SLC71A2: variants seen among roughly 807,000 people sequenced by gnomAD.
SLC71A2 encodes hippocampus abundant transcript-like 1.
the SLC71A2 span, among the ~76,000 whole-genome samples, chr9:94,439,022 G>GTTTTTTTTTTTTT: frequency 4.8e-4 from 55 of 115,694 alleles, 6 homozygotes; most frequent in South Asian, 8.3e-4. Context: ...ATTTGAGTTC[G>GTTTTTTTTTTTTT]TTTTTTTTTT....
the SLC71A2 span, chr9:94,440,849 A>T: frequency 2.3e-6 from 1 of 435,680 alleles, no homozygotes; most frequent in Non-Finnish European, 4.1e-6. Context: ...ATTTTTTTTG[A>T]TATATTTAAG....
chr9:94,450,896 T>C, the SLC71A2 span, among the ~76,000 whole-genome samples: 9 of 152,212 alleles, frequency 5.9e-5, no homozygotes, highest in Admixed American at 5.2e-4. Flanking sequence ...CCAGGTTACT[T>C]TGGCTGCTTA....
At chr9:94,449,839 A>G in the SLC71A2 span, among the ~76,000 whole-genome samples, 1 of 152,264 alleles carries the variant, frequency 6.6e-6, no homozygotes, top group African/African-American at 2.4e-5. Context: ...TAATGAATGG[A>G]TTAACAAATA....
the SLC71A2 span, among the ~76,000 whole-genome samples, chr9:94,443,868 G>A: frequency 6.6e-6 from 1 of 152,162 alleles, no homozygotes; most frequent in African/African-American, 2.4e-5. Flanking sequence ...CAAGAGCTTT[G>A]TCTTCTTCAT....
the SLC71A2 span, among the ~76,000 whole-genome samples, chr9:94,403,327 G>A: frequency 6.6e-6 from 1 of 151,678 alleles, no homozygotes; most frequent in Non-Finnish European, 1.5e-5. Flanking sequence ...TAGTAGAGAC[G>A]GGTTTGCACC....
chr9:94,403,438 G>A, the SLC71A2 span, among the ~76,000 whole-genome samples: 23 of 151,226 alleles, frequency 1.5e-4, no homozygotes, highest in Non-Finnish European at 3.2e-4. Flanking sequence ...GTTACCAGCC[G>A]TGACTGGCTT....
the SLC71A2 span, chr9:94,456,197 G>C: frequency 1.5e-5 from 21 of 1,426,594 alleles, no homozygotes; most frequent in Non-Finnish European, 2.1e-5. Context: ...TGAGCTCCTT[G>C]AGGTTGACCT....
chr9:94,379,477 A>C, the SLC71A2 span, among the ~76,000 whole-genome samples: 11 of 130,986 alleles, frequency 8.4e-5, no homozygotes, highest in South Asian at 2.6e-4. Context: ...GTAACCTTAA[A>C]CTCCTGGGTT....
At chr9:94,445,037 A>G in the SLC71A2 span, 1 of 1,614,134 alleles carries the variant, frequency 6.2e-7, no homozygotes, top group South Asian at 1.1e-5. Flanking sequence ...AGTTACGGAG[A>G]CAGCCTCGTT....
At chr9:94,427,649 GA>G in the SLC71A2 span, among the ~76,000 whole-genome samples, 2 of 134,074 alleles carry the variant, frequency 1.5e-5, no homozygotes, top group South Asian at 5.0e-4. Context: ...CAGCATGAGA[GA>G]ACCCTGGAGG....
At chr9:94,405,935 C>T in the SLC71A2 span, among the ~76,000 whole-genome samples, 1 of 150,098 alleles carries the variant, frequency 6.7e-6, no homozygotes, top group Non-Finnish European at 1.5e-5. Flanking sequence ...CATGGGATGT[C>T]TTTATGTTTA....
At chr9:94,446,654 T>C in the SLC71A2 span, among the ~76,000 whole-genome samples, 3 of 152,284 alleles carry the variant, frequency 2.0e-5, no homozygotes, top group South Asian at 6.2e-4. Context: ...ACCTCTGAAA[T>C]TAAGACTTGT....
At chr9:94,410,283 A>C in the SLC71A2 span, among the ~76,000 whole-genome samples, 1 of 151,826 alleles carries the variant, frequency 6.6e-6, no homozygotes, top group Non-Finnish European at 1.5e-5. Flanking sequence ...TTTTGGAGAG[A>C]TCGAGTCTCA....
At chr9:94,405,657 A>G in the SLC71A2 span, among the ~76,000 whole-genome samples, 1 of 152,126 alleles carries the variant, frequency 6.6e-6, no homozygotes, top group African/African-American at 2.4e-5. Context: ...GTTGGTCTAC[A>G]TGTCTGTTTT....
the SLC71A2 span, chr9:94,458,451 A>G: frequency 1.9e-6 from 3 of 1,613,894 alleles, no homozygotes; most frequent in East Asian, 2.2e-5. Flanking sequence ...AATTCTAACA[A>G]CGTTCCCCTG....
chr9:94,419,421 G>T, the SLC71A2 span, among the ~76,000 whole-genome samples: 2 of 151,538 alleles, frequency 1.3e-5, no homozygotes, highest in African/African-American at 4.8e-5. Context: ...AGCCTCCCGA[G>T]TAGCTGGGAT....
the SLC71A2 span, chr9:94,454,077 C>T: frequency 5.0e-6 from 8 of 1,597,426 alleles, no homozygotes; most frequent in Admixed American, 1.7e-5. Context: ...CCTGGTAAGC[C>T]TCACTCTTAG....
At chr9:94,381,198 G>A in the SLC71A2 span, among the ~76,000 whole-genome samples, 1 of 145,542 alleles carries the variant, frequency 6.9e-6, no homozygotes, top group African/African-American at 2.6e-5. Context: ...CACCATGCCA[G>A]GCTAATTTTG....
the SLC71A2 span, among the ~76,000 whole-genome samples, chr9:94,375,601 C>CAAGGCCT: frequency 6.6e-6 from 1 of 151,134 alleles, no homozygotes; most frequent in Admixed American, 6.6e-5. Context: ...GTCGTTTCTT[C>CAAGGCCT]AAGGCCTAAG....
Sources: gnomAD v4.1 joint callset for allele counts (sites outside exome capture counted in the v4.1 genomes callset) on GRCh38, gnomAD v4.1.1 for gene constraint, MANE v1.5 for transcripts, NCBI Gene and HGNC (gene_info 2026-07-23, HGNC 2026-07-21) for gene names.